The following RGS6 variants were observed in gnomAD, a reference collection of about 807,000 sequenced individuals.
The protein encoded by RGS6 is regulator of G protein signaling 6.
RGS6 carries 30 observed loss-of-function variants against 78.5 expected under a neutral mutation model. That is an observed-to-expected ratio of 0.38 (90% CI 0.29 to 0.52). The LOEUF (loss-of-function observed/expected upper bound fraction) is 0.52, where lower values mean the gene tolerates loss of function less well. Ranked by LOEUF, RGS6 falls within the 20% of genes least tolerant of loss-of-function variation. The pLI is 0.85. For missense variants in RGS6, 495 were observed against 609.7 expected, an observed-to-expected ratio of 0.81 and a Z score of 1.98; for synonymous variants, 206 against 206.0, an observed-to-expected ratio of 1.00 and a Z score of 0.00.
intron 13 of RGS6, among the ~76,000 whole-genome samples, chr14:72,498,276 T>C (rs958729259): frequency 1.3e-5 from 2 of 152,246 alleles, no homozygotes; most frequent in Admixed American, 6.5e-5. Flanking sequence ...ATCTCCTCTC[T>C]ATTTCTGCCG....
the RGS6 span, chr14:72,629,599 C>T: frequency 4.3e-5 from 65 of 1,524,372 alleles, no homozygotes; most frequent in Non-Finnish European, 5.5e-5. Flanking sequence ...ATTTCTCCCT[C>T]CCACAGGGAA....
At chr14:72,188,372 G>C (rs1284215214) in intron 2 of RGS6, among the ~76,000 whole-genome samples, 1 of 152,148 alleles carries the variant, frequency 6.6e-6, no homozygotes, top group African/African-American at 2.4e-5. Flanking sequence ...CAAGTAATGA[G>C]AACAGGCTAA....
chr14:72,363,783 TAAAC>T (rs1372504906), intron 3 of RGS6, among the ~76,000 whole-genome samples: 1 of 152,018 alleles, frequency 6.6e-6, no homozygotes, highest in Non-Finnish European at 1.5e-5. Context: ...CCATGGGAAA[TAAAC>T]ATCCTTAAAA....
At chr14:71,982,199 T>G (rs2094501393) in intron 2 of RGS6, among the ~76,000 whole-genome samples, 1 of 152,148 alleles carries the variant, frequency 6.6e-6, no homozygotes, top group Non-Finnish European at 1.5e-5. Flanking sequence ...CACTCCCTAG[T>G]GAGATGAACC....
chr14:72,452,350 G>C (rs908699066), intron 3 of RGS6, among the ~76,000 whole-genome samples: 1 of 152,140 alleles, frequency 6.6e-6, no homozygotes, highest in African/African-American at 2.4e-5. Context: ...TAGAAGTGCT[G>C]CCTTTGAGGT....
the RGS6 span, among the ~76,000 whole-genome samples, chr14:72,601,863 A>G: frequency 6.6e-6 from 1 of 152,162 alleles, no homozygotes. Flanking sequence ...AATTAGCTCA[A>G]ATGCCACCTC....
chr14:72,469,823 GT>G (rs2153301143), intron 7 of RGS6, 183 bp from the exon 8 acceptor site: 1 of 576,580 alleles, frequency 1.7e-6, no homozygotes, highest in South Asian at 2.2e-5. Context: ...AATATTAATA[GT>G]TCAGCTCTGT....
chr14:72,476,616 C>T, intron 10 of RGS6, 126 bp from the exon 11 acceptor site: 1 of 654,548 alleles, frequency 1.5e-6, no homozygotes, highest in South Asian at 2.0e-5. Flanking sequence ...GAAATAAAAG[C>T]AGAGACCAAT....
intron 15 of RGS6, among the ~76,000 whole-genome samples, chr14:72,532,007 T>C (rs1373648266): frequency 6.6e-6 from 1 of 152,226 alleles, no homozygotes; most frequent in Admixed American, 6.5e-5. Flanking sequence ...TCTGCTTCTG[T>C]GAGTGTGATT....
chr14:72,141,791 G>A (rs1241325174), intron 2 of RGS6, among the ~76,000 whole-genome samples: 1 of 151,748 alleles, frequency 6.6e-6, no homozygotes, highest in African/African-American at 2.4e-5. Context: ...TTCCCTCTTA[G>A]GACCATAAGA....
At chr14:72,380,216 A>G (rs977875048) in intron 3 of RGS6, among the ~76,000 whole-genome samples, 1 of 152,112 alleles carries the variant, frequency 6.6e-6, no homozygotes, top group Non-Finnish European at 1.5e-5. Flanking sequence ...ATATAAAACT[A>G]GTACAAGAAA....
At chr14:72,064,812 T>A (rs1006364999) in intron 2 of RGS6, among the ~76,000 whole-genome samples, 1 of 152,238 alleles carries the variant, frequency 6.6e-6, no homozygotes, top group African/African-American at 2.4e-5. Flanking sequence ...CTCTACTGTT[T>A]ATCATGTGTA....
At chr14:72,359,989 G>C (rs1348970856) in intron 3 of RGS6, among the ~76,000 whole-genome samples, 1 of 152,122 alleles carries the variant, frequency 6.6e-6, no homozygotes, top group African/African-American at 2.4e-5. Context: ...CTTGTAAAAT[G>C]AAGAAATGCA....
intron 2 of RGS6, among the ~76,000 whole-genome samples, chr14:71,994,137 CA>C (rs1361624252): frequency 6.6e-6 from 1 of 152,186 alleles, no homozygotes; most frequent in East Asian, 1.9e-4. Flanking sequence ...CTGATCCAAA[CA>C]CAGTTTGTAC....
chr14:72,192,524 G>A (rs2283412), intron 2 of RGS6, among the ~76,000 whole-genome samples: 23,611 of 152,164 alleles, frequency 0.16, 1,898 homozygotes, highest in South Asian at 0.2. Context: ...TCCTGGAGGA[G>A]ATTCCCCTCT....
intron 1 of RGS6, among the ~76,000 whole-genome samples, chr14:71,951,595 A>G (rs576599156): frequency 8.5e-5 from 13 of 152,308 alleles, no homozygotes; most frequent in African/African-American, 3.1e-4. Context: ...TAGCTTCATT[A>G]TTTCTAACCA....
intron 2 of RGS6, among the ~76,000 whole-genome samples, chr14:72,048,021 G>A (rs1048497828): frequency 1.3e-5 from 2 of 151,276 alleles, no homozygotes; most frequent in African/African-American, 4.9e-5. Context: ...CCACCATTGA[G>A]GTAGACTACC....
chr14:72,141,266 C>T (rs964503228), intron 2 of RGS6, among the ~76,000 whole-genome samples: 2 of 152,148 alleles, frequency 1.3e-5, no homozygotes, highest in African/African-American at 4.8e-5. Flanking sequence ...TTTAGTGCCC[C>T]AATCCCCATT....
chr14:71,891,308 T>C, the RGS6 span, among the ~76,000 whole-genome samples: 1 of 152,118 alleles, frequency 6.6e-6, no homozygotes, highest in Admixed American at 6.5e-5. Context: ...CCGTCAGGTG[T>C]CTGCGGGAGC....
Sources: allele counts gnomAD v4.1 joint callset (sites outside exome capture counted in the v4.1 genomes callset), GRCh38; gene constraint gnomAD v4.1.1; transcripts MANE v1.5; gene names NCBI Gene and HGNC (gene_info 2026-07-23, HGNC 2026-07-21).